The following TUSC3 variants were observed in gnomAD, a reference collection of about 807,000 sequenced individuals.
TUSC3 encodes the protein dolichyl-diphosphooligosaccharide--protein glycosyltransferase subunit TUSC3.
Under a neutral mutation model 44.8 loss-of-function variants are expected in TUSC3, and 45 were observed. That is an observed-to-expected ratio of 1.00 (90% CI 0.79 to 1.29). The LOEUF (loss-of-function observed/expected upper bound fraction) is 1.29. TUSC3 is among the 50% of genes most tolerant of loss of function. The pLI, the probability that TUSC3 is intolerant of heterozygous loss-of-function variation, is 0.00. For missense variants in TUSC3, 519 were observed against 437.9 expected (o/e 1.19, Z -1.65); for synonymous variants, 212 against 152.9 (o/e 1.39, Z -2.85).
At chr8:15,767,654 G>A (rs1384226824), downstream of TUSC3, among the ~76,000 whole-genome samples, 1 of 152,062 alleles carries the variant, frequency 6.6e-6, no homozygotes, top group Non-Finnish European at 1.5e-5. Flanking sequence ...TGGGTTCCTG[G>A]CTTTGGAGGG....
At chr8:15,740,466 AT>A (rs1811142885) in intron 7 of TUSC3, among the ~76,000 whole-genome samples, 1 of 151,778 alleles carries the variant, frequency 6.6e-6, no homozygotes, top group African/African-American at 2.4e-5. Flanking sequence ...GGAAAAAAAA[AT>A]GTTGTCCTCC....
At chr8:15,690,441 T>C (rs1289036271) in intron 6 of TUSC3, among the ~76,000 whole-genome samples, 3 of 152,198 alleles carry the variant, frequency 2.0e-5, no homozygotes, top group African/African-American at 7.2e-5. Context: ...TTTCTCCTGT[T>C]CTGTAGGTTG....
chr8:15,638,589 T>G (rs1212756372), intron 2 of TUSC3, among the ~76,000 whole-genome samples: 3 of 147,596 alleles, frequency 2.0e-5, no homozygotes, highest in Non-Finnish European at 4.5e-5. Flanking sequence ...AGTGGCATGA[T>G]CTCTGCTCAC....
At chr8:15,540,590 T>G in intron 1 of TUSC3, 22 bp downstream of exon 1, 5 of 1,531,400 alleles carry the variant, frequency 3.3e-6, no homozygotes, top group Non-Finnish European at 4.4e-6. Context: ...CCCCTTGGCC[T>G]TCCCCTGTGG....
At chr8:15,558,388 T>C (rs569707531) in intron 1 of TUSC3, among the ~76,000 whole-genome samples, 1 of 53,884 alleles carries the variant, frequency 1.9e-5, no homozygotes, top group Admixed American at 2.2e-4. Context: ...CTTTTTGATG[T>C]GCTGCTGGAT....
At chr8:15,511,277 A>G (rs999345006) in intron 2 of TUSC3, among the ~76,000 whole-genome samples, 20 of 152,024 alleles carry the variant, frequency 1.3e-4, no homozygotes, top group African/African-American at 4.3e-4. Context: ...AGGAGGAAGG[A>G]AGGGAGGGAG....
At chr8:15,455,995 A>C (rs1484161619) in intron 1 of TUSC3, among the ~76,000 whole-genome samples, 1 of 152,126 alleles carries the variant, frequency 6.6e-6, no homozygotes, top group Admixed American at 6.5e-5. Context: ...TCTAATGACC[A>C]ATGACTCCAC....
At chr8:15,497,003 C>T (rs1047769025) in intron 2 of TUSC3, among the ~76,000 whole-genome samples, 2 of 152,092 alleles carry the variant, frequency 1.3e-5, no homozygotes, top group Non-Finnish European at 2.9e-5. Context: ...GAAAAAAATC[C>T]TCTATCTCTA....
intron 9 of TUSC3, among the ~76,000 whole-genome samples, chr8:15,749,711 G>C (rs569620198): frequency 6.7e-6 from 1 of 148,400 alleles, no homozygotes; most frequent in Non-Finnish European, 1.5e-5. Flanking sequence ...CCAAGATTAA[G>C]TAATATCCAA....
intron 2 of TUSC3, among the ~76,000 whole-genome samples, chr8:15,528,292 G>A (rs1801402987): frequency 6.6e-6 from 1 of 152,138 alleles, no homozygotes; most frequent in Non-Finnish European, 1.5e-5. Context: ...GCATGCAAGT[G>A]ATTACCTCAT....
At chr8:15,846,877 G>GAAA in the TUSC3 span, among the ~76,000 whole-genome samples, 534 of 135,354 alleles carry the variant, frequency 3.9e-3, 3 homozygotes, top group South Asian at 0.017. Flanking sequence ...ATGATAATTT[G>GAAA]AAAAAAAAAA....
intron 1 of TUSC3, among the ~76,000 whole-genome samples, chr8:15,449,486 C>T (rs1413414175): frequency 6.6e-6 from 1 of 152,152 alleles, no homozygotes; most frequent in East Asian, 1.9e-4. Flanking sequence ...TGGTCAGATA[C>T]TGCCTCAAGT....
At chr8:15,489,728 A>G (rs1307687987) in intron 2 of TUSC3, among the ~76,000 whole-genome samples, 13 of 152,186 alleles carry the variant, frequency 8.5e-5, no homozygotes, top group Admixed American at 7.9e-4. Context: ...CCAGTTGCGC[A>G]TGAATTCAAA....
chr8:15,512,438 G>T (rs1467759747), intron 2 of TUSC3, among the ~76,000 whole-genome samples: 3 of 152,112 alleles, frequency 2.0e-5, no homozygotes, highest in African/African-American at 4.8e-5. Flanking sequence ...ATTTTGGACT[G>T]CCCAACCCTC....
intron 1 of TUSC3, among the ~76,000 whole-genome samples, chr8:15,433,236 C>T (rs540266723): frequency 2.6e-5 from 4 of 151,698 alleles, no homozygotes; most frequent in Non-Finnish European, 5.9e-5. Context: ...AAATGTATTC[C>T]CCCATATATT....
intron 1 of TUSC3, among the ~76,000 whole-genome samples, chr8:15,567,602 G>C (rs1164295850): frequency 6.6e-6 from 1 of 152,048 alleles, no homozygotes; most frequent in Non-Finnish European, 1.5e-5. Context: ...ATATCAACTT[G>C]ATGAAATCCT....
At chr8:15,684,365 A>G (rs1808540349) in intron 6 of TUSC3, among the ~76,000 whole-genome samples, 1 of 152,080 alleles carries the variant, frequency 6.6e-6, no homozygotes, top group African/African-American at 2.4e-5. Context: ...GCAGTAGAGG[A>G]AGGGCAGAGG....
intron 6 of TUSC3, among the ~76,000 whole-genome samples, chr8:15,729,790 T>G (rs898653701): frequency 3.3e-5 from 5 of 152,032 alleles, no homozygotes; most frequent in African/African-American, 1.2e-4. Flanking sequence ...CAAAATCATT[T>G]GTACATCAAA....
chr8:15,769,525 A>C (rs570095508), downstream of TUSC3, among the ~76,000 whole-genome samples: 1 of 152,340 alleles, frequency 6.6e-6, no homozygotes, highest in South Asian at 2.1e-4. Context: ...ATGGACAAAG[A>C]CTTCATGACT....
Sources: allele counts gnomAD v4.1 joint callset (sites outside exome capture counted in the v4.1 genomes callset), GRCh38; gene constraint gnomAD v4.1.1; transcripts MANE v1.5; gene names NCBI Gene and HGNC (gene_info 2026-07-23, HGNC 2026-07-21).